Variants in SIGLECL1 observed in about 807,000 individuals in gnomAD.
The protein encoded by SIGLECL1 is SIGLEC family like 1.
Under a neutral mutation model 19.1 loss-of-function variants are expected in SIGLECL1, and 16 were observed. The ratio of observed to expected loss-of-function variants is 0.84; its 90% CI spans 0.57 to 1.27. SIGLECL1 has a LOEUF of 1.27. Among genes scored for constraint, SIGLECL1 ranks in the 50% most tolerant of loss-of-function variants. The pLI, the probability that SIGLECL1 is intolerant of heterozygous loss-of-function variation, is 0.00. For synonymous variants in SIGLECL1, 89 were observed against 90.4 expected (o/e 0.98, Z 0.09); for missense variants, 210 against 239.4 (o/e 0.88, Z 0.81).
At chr19:51,257,407 C>A (rs1982886174) in intron 1 of SIGLECL1, among the ~76,000 whole-genome samples, 1 of 134,524 alleles carries the variant, frequency 7.4e-6, no homozygotes, top group African/African-American at 3.2e-5. Context: ...AAGAAACTGT[C>A]TCAAAAAAAA....
intron 1 of SIGLECL1, among the ~76,000 whole-genome samples, chr19:51,262,887 T>C (rs573083931): frequency 6.6e-6 from 1 of 152,232 alleles, no homozygotes; most frequent in East Asian, 1.9e-4. Context: ...TATGTATGTA[T>C]GTATTTTATT....
At chr19:51,248,737 CA>C (rs1278734036), upstream of SIGLECL1, among the ~76,000 whole-genome samples, 1 of 152,110 alleles carries the variant, frequency 6.6e-6, no homozygotes, top group East Asian at 1.9e-4. Flanking sequence ...GGAATCAAAA[CA>C]AAGAAAATAG....
chr19:51,264,542 G>T (rs371420897), intron 2 of SIGLECL1: 8 of 153,734 alleles, frequency 5.2e-5, no homozygotes, highest in African/African-American at 1.9e-4. Flanking sequence ...GGAGCTACTG[G>T]TTAGGGGAAA....
At chr19:51,256,743 A>G (rs1982835146) in intron 1 of SIGLECL1, among the ~76,000 whole-genome samples, 1 of 152,232 alleles carries the variant, frequency 6.6e-6, no homozygotes, top group African/African-American at 2.4e-5. Flanking sequence ...TCCACAGTGC[A>G]TACATACATC....
rs145124420 is a variant in SIGLECL1, at chr19:51,251,138, C to G, written c.-598C>G. The G allele has an allele frequency of 2.0e-5, 3 of 152,258 alleles. No individual in the cohort carries two copies. The highest frequency in any genetic ancestry group is 4.4e-5 in the Non-Finnish European group (3 of 68,080). 9.4% of individuals were successfully genotyped at this position (152,258 alleles called of 1,614,324 possible). ...GCAGCGGCTATCACGCCCCTCACGC[C>G]GCTATCTCTGTGCAGCCGACTGAGG... On this transcript the variant is annotated 5_prime_UTR_variant, in exon 1 of 6. Coordinates refer to ENST00000601727, the MANE Select transcript of SIGLECL1 (RefSeq NM_001385465.1).
chr19:51,254,558 T>C (rs1309374749), intron 1 of SIGLECL1, among the ~76,000 whole-genome samples: 1 of 152,198 alleles, frequency 6.6e-6, no homozygotes, highest in African/African-American at 2.4e-5. Flanking sequence ...TATCATTTCA[T>C]TTATATACAA....
At chr19:51,247,193 A>G (rs2079454976), upstream of SIGLECL1, among the ~76,000 whole-genome samples, 1 of 152,136 alleles carries the variant, frequency 6.6e-6, no homozygotes, top group Admixed American at 6.5e-5. Context: ...TCAGATGTTG[A>G]GCAGCGTCTC....
intron 2 of SIGLECL1, 118 bp downstream of exon 2, chr19:51,264,212 T>A: frequency 8.7e-7 from 1 of 1,155,648 alleles, no homozygotes; most frequent in Non-Finnish European, 1.3e-6. Context: ...CATATGGGCA[T>A]AAGTACCAAA....
intron 5 of SIGLECL1, 22 bp downstream of exon 5, chr19:51,267,551 A>G (rs776216607): frequency 1.9e-6 from 3 of 1,612,842 alleles, no homozygotes; most frequent in African/African-American, 2.7e-5. Context: ...TTGTGTCTGG[A>G]ATCTAGTCTA....
At chr19:51,246,959 T>C (rs1982280312), upstream of SIGLECL1, among the ~76,000 whole-genome samples, 1 of 152,184 alleles carries the variant, frequency 6.6e-6, no homozygotes, top group Non-Finnish European at 1.5e-5. Flanking sequence ...ATCGCTTACG[T>C]CCAGATGAAT....
intron 2 of SIGLECL1, 64 bp from the exon 3 acceptor site, chr19:51,265,304 G>A (rs1049108846): frequency 1.3e-6 from 2 of 1,521,122 alleles, no homozygotes; most frequent in African/African-American, 1.4e-5. Context: ...AAGGCTGCAT[G>A]CTGGAGAAAC....
At chr19:51,262,923 A>G (rs1180181574) in intron 1 of SIGLECL1, among the ~76,000 whole-genome samples, 3 of 152,264 alleles carry the variant, frequency 2.0e-5, no homozygotes, top group African/African-American at 7.2e-5. Flanking sequence ...TTTGAGATAA[A>G]GTCTTACTCT....
upstream of SIGLECL1, among the ~76,000 whole-genome samples, chr19:51,247,096 T>C (rs1433804852): frequency 6.6e-6 from 1 of 152,148 alleles, no homozygotes; most frequent in Non-Finnish European, 1.5e-5. Context: ...TAAACTCCCT[T>C]CTCTCCCAGT....
chr19:51,254,379 C>T (rs986173763), intron 1 of SIGLECL1, among the ~76,000 whole-genome samples: 5 of 144,108 alleles, frequency 3.5e-5, no homozygotes, highest in South Asian at 2.3e-4. Flanking sequence ...ATAGTAGAAA[C>T]AACCCAAATG....
At chr19:51,257,389 G>T (rs556510575) in intron 1 of SIGLECL1, among the ~76,000 whole-genome samples, 2 of 148,530 alleles carry the variant, frequency 1.3e-5, no homozygotes, top group South Asian at 4.2e-4. Context: ...CAGTCTGGGT[G>T]ACAGAGCAAG....
chr19:51,268,783 G>A lies in SIGLECL1; in HGVS notation c.*186G>A, dbSNP rs1983857869. 1.7e-6 allele frequency: 1 copy of A among 603,408 alleles called. No homozygotes were observed. The allele number at this position is 603,408 out of a possible 1,614,324, so 37.4% of individuals were successfully genotyped here. A position where few individuals can be genotyped will look rare whatever the true frequency, so the allele number is the denominator to read the frequency against. On this transcript the variant is annotated 3_prime_UTR_variant, in exon 6 of 6. Transcript: ENST00000601727. ...TTAACACTCATTCTCCATTGAATAG[G>A]TGGTTACTCTTAGACCTAGTCTTAG...
chr19:51,248,424 G>A (rs1214623705), upstream of SIGLECL1, among the ~76,000 whole-genome samples: 1 of 152,104 alleles, frequency 6.6e-6, no homozygotes, highest in Non-Finnish European at 1.5e-5. Flanking sequence ...TTTAGAGGAA[G>A]CAGTTTCTCT....
At chr19:51,249,205 C>T (rs1344906197), upstream of SIGLECL1, among the ~76,000 whole-genome samples, 1 of 151,978 alleles carries the variant, frequency 6.6e-6, no homozygotes, top group Non-Finnish European at 1.5e-5. Context: ...CTAACTGCAC[C>T]TTGAAGGGAA....
intron 1 of SIGLECL1, among the ~76,000 whole-genome samples, chr19:51,260,893 C>A (rs1007521133): frequency 9.9e-5 from 15 of 152,260 alleles, no homozygotes; most frequent in African/African-American, 3.6e-4. Flanking sequence ...TTGTATTCTG[C>A]AGTTATTGAT....
Sources: gnomAD v4.1 joint callset for allele counts (sites outside exome capture counted in the v4.1 genomes callset) on GRCh38, gnomAD v4.1.1 for gene constraint, MANE v1.5 for transcripts, NCBI Gene and HGNC (gene_info 2026-07-23, HGNC 2026-07-21) for gene names.